MEGF11: variants seen among roughly 807,000 people sequenced by gnomAD.
MEGF11 encodes the protein multiple EGF like domains 11.
A neutral mutation model predicts 146.6 loss-of-function variants in MEGF11; 126 were observed. The observed-to-expected ratio is 0.86, with a 90% CI of 0.74 to 1.00. The LOEUF (loss-of-function observed/expected upper bound fraction) is 1.00, where lower values mean the gene tolerates loss of function less well. MEGF11 is among the 50% of genes least tolerant of loss of function. The pLI, the probability that MEGF11 is intolerant of heterozygous loss-of-function variation, is 0.00. For missense variants in MEGF11, 1,509 were observed against 1,521.2 expected (o/e 0.99, Z 0.13); for synonymous variants, 532 against 583.4 (o/e 0.91, Z 1.27).
At chr15:65,925,732 A>G (rs967253232) in intron 13 of MEGF11, among the ~76,000 whole-genome samples, 6 of 152,204 alleles carry the variant, frequency 3.9e-5, no homozygotes, top group African/African-American at 1.4e-4. Context: ...TTGGTGGGTA[A>G]ACCTAGGCTA....
intron 5 of MEGF11, among the ~76,000 whole-genome samples, chr15:66,063,699 C>T (rs1262801830): frequency 1.3e-5 from 2 of 152,152 alleles, no homozygotes; most frequent in Non-Finnish European, 2.9e-5. Flanking sequence ...GATTAACCCC[C>T]GAAATTTGGA....
intron 4 of MEGF11, among the ~76,000 whole-genome samples, chr15:66,118,433 T>A (rs955047925): frequency 6.6e-6 from 1 of 152,216 alleles, no homozygotes; most frequent in Non-Finnish European, 1.5e-5. Context: ...CTTGTCTTTC[T>A]TAGGGGACAC....
intron 20 of MEGF11, chr15:65,913,534 G>C: frequency 1.6e-6 from 1 of 606,520 alleles, no homozygotes; most frequent in South Asian, 2.0e-5. Flanking sequence ...CAGCTGCTCA[G>C]AGCTAGGGAC....
intron 1 of MEGF11, among the ~76,000 whole-genome samples, chr15:66,229,066 C>G (rs563084855): frequency 6.6e-6 from 1 of 152,240 alleles, no homozygotes; most frequent in East Asian, 1.9e-4. Context: ...GTAAACAGTC[C>G]CTTTATTAAG....
intron 8 of MEGF11, chr15:65,965,393 T>C (rs1490911145): frequency 2.5e-6 from 1 of 401,500 alleles, no homozygotes; most frequent in African/African-American, 2.0e-5. Context: ...CCTAATAATT[T>C]TTAAAAATTA....
chr15:66,113,500 C>CCCGCTGCAGTGAGG (rs1406370070), intron 4 of MEGF11, among the ~76,000 whole-genome samples: 4 of 152,152 alleles, frequency 2.6e-5, no homozygotes, highest in African/African-American at 9.7e-5. Flanking sequence ...CCCCTCCTTG[C>CCCGCTGCAGTGAGG]CCGCTGCAGT....
chr15:65,916,787 T>C, intron 17 of MEGF11, 41 bp downstream of exon 17: 1 of 1,606,490 alleles, frequency 6.2e-7, no homozygotes. Context: ...GGCCGCAGCA[T>C]GGTATTCTAA....
intron 1 of MEGF11, among the ~76,000 whole-genome samples, chr15:66,219,550 C>T (rs1049019276): frequency 1.3e-4 from 20 of 152,284 alleles, no homozygotes; most frequent in Non-Finnish European, 1.8e-4. Context: ...AAAGTACAAA[C>T]GCCACCACAC....
At chr15:66,121,316 T>C (rs1362198134) in intron 3 of MEGF11, among the ~76,000 whole-genome samples, 1 of 152,182 alleles carries the variant, frequency 6.6e-6, no homozygotes, top group Non-Finnish European at 1.5e-5. Flanking sequence ...CAGCCAACTC[T>C]GGCAAAATTG....
chr15:65,970,424 G>T, intron 8 of MEGF11, 129 bp downstream of exon 8: 2 of 1,021,990 alleles, frequency 2.0e-6, no homozygotes, highest in Non-Finnish European at 2.8e-6. Flanking sequence ...CCTGGCAGGA[G>T]AGCTCAGAGT....
At chr15:66,184,196 G>C (rs760930740) in intron 1 of MEGF11, among the ~76,000 whole-genome samples, 95 of 152,244 alleles carry the variant, frequency 6.2e-4, no homozygotes, top group Non-Finnish European at 1.3e-3. Context: ...AAATTGTAAT[G>C]CTTCAAATAT....
At chr15:65,907,719 C>T (rs1596817715) in intron 23 of MEGF11, among the ~76,000 whole-genome samples, 1 of 152,350 alleles carries the variant, frequency 6.6e-6, no homozygotes, top group East Asian at 1.9e-4. Context: ...CTTTGCCCTT[C>T]CTGAGGGAAG....
intron 10 of MEGF11, among the ~76,000 whole-genome samples, chr15:65,943,472 G>A (rs965050991): frequency 2.4e-4 from 36 of 152,122 alleles, no homozygotes; most frequent in Admixed American, 2.0e-3. Context: ...GTGTATGTGT[G>A]CTAGCGGTGG....
Position 65,916,833 on chromosome 15 carries a change from GT to G in MEGF11, c.2209del (p.Thr737HisfsTer63), listed in dbSNP as rs1189463713. 3 of 1,608,394 alleles carry G rather than the reference GT, an allele frequency of 1.9e-6. No homozygotes were observed. Among genetic ancestry groups the G allele is most frequent in the Non-Finnish European group, 2.5e-6 (3 of 1,176,564 alleles). On this transcript the variant is annotated frameshift_variant, in exon 17 of 26. Coordinates refer to ENST00000395614, the MANE Select transcript of MEGF11 (RefSeq NM_001385028.1). LOFTEE classifies it high-confidence loss of function. ...CTPGWTGLFC[T>X]QRCPAAFFGK... is the part of the protein sequence containing the mutation. The stretch of plus-strand genomic sequence containing the variant: ...GGCCAGGAGGTGGGGCTTACGCTGT[GT>G]GCAGAAGAGTCCAGTCCAGCCAGGG...
chr15:66,093,699 A>G (rs1419015736), intron 5 of MEGF11, among the ~76,000 whole-genome samples: 1 of 152,188 alleles, frequency 6.6e-6, no homozygotes, highest in Non-Finnish European at 1.5e-5. Flanking sequence ...ATTCATCTTC[A>G]TCTGGGTTCT....
intron 1 of MEGF11, among the ~76,000 whole-genome samples, chr15:66,142,841 G>C (rs2089219377): frequency 6.6e-6 from 1 of 152,242 alleles, no homozygotes; most frequent in Admixed American, 6.5e-5. Context: ...TCTCGCTTGA[G>C]AAGAGGACAT....
At chr15:66,116,700 T>TC (rs1266351418) in intron 4 of MEGF11, among the ~76,000 whole-genome samples, 2 of 152,178 alleles carry the variant, frequency 1.3e-5, no homozygotes, top group African/African-American at 4.8e-5. Context: ...CTATGCATTT[T>TC]CCCAGGGACA....
chr15:66,007,107 G>A (rs374674623), intron 5 of MEGF11, among the ~76,000 whole-genome samples: 4 of 152,204 alleles, frequency 2.6e-5, no homozygotes, highest in Non-Finnish European at 5.9e-5. Flanking sequence ...AGGGTCCACC[G>A]TGCCAGCACT....
At chr15:66,214,738 G>A (rs535462551) in intron 1 of MEGF11, among the ~76,000 whole-genome samples, 37 of 152,118 alleles carry the variant, frequency 2.4e-4, no homozygotes, top group African/African-American at 8.2e-4. Context: ...CCCCAAGACC[G>A]GCCTCTCCTC....
Sources: allele counts gnomAD v4.1 joint callset (sites outside exome capture counted in the v4.1 genomes callset), GRCh38; gene constraint gnomAD v4.1.1; transcripts MANE v1.5; gene names NCBI Gene and HGNC (gene_info 2026-07-23, HGNC 2026-07-21).